Variants in CPPED1 observed in about 807,000 individuals in gnomAD.
CPPED1 encodes calcineurin like phosphoesterase domain containing 1.
CPPED1 carries 28 observed loss-of-function variants against 28.0 expected under a neutral mutation model. The observed-to-expected ratio is 1.00, with a 90% CI of 0.74 to 1.37. CPPED1 has a LOEUF of 1.37. CPPED1 is among the 40% of genes most tolerant of loss of function. CPPED1 has a pLI of 0.00. For synonymous variants in CPPED1, 198 were observed against 180.2 expected (o/e 1.10, Z -0.79); for missense variants, 504 against 416.5 (o/e 1.21, Z -1.83).
At chr16:12,800,504 G>C (rs1248040033) in intron 1 of CPPED1, among the ~76,000 whole-genome samples, 1 of 151,694 alleles carries the variant, frequency 6.6e-6, no homozygotes, top group African/African-American at 2.4e-5. Context: ...TTGAGCTCCA[G>C]CTTCCAACTG....
rs368421258 is a variant in CPPED1 at position 12,731,144 on chromosome 16, C to A, written c.290-26095G>T. On this transcript the variant is annotated intron_variant, in intron 2 of 3. Coordinates refer to ENST00000381774, the MANE Select transcript of CPPED1 (RefSeq NM_018340.3). ...GCAACATATGGAGACCCTGTCTCTT[C>A]AAAAAAAAAAATTTTTTTTTTTTTT... Among the ~76,000 whole-genome samples, 359 of 126,676 alleles carry A rather than the reference C, an allele frequency of 2.8e-3. 1 individual carries two copies. Among genetic ancestry groups the A allele is most frequent in the African/African-American group, 9.2e-3 (314 of 33,992 alleles). 83.1% of individuals were successfully genotyped at this position (126,676 alleles called of 152,430 possible).
rs1248425838 is a variant in CPPED1 at position 12,660,219 on chromosome 16, T to G, written c.*4667A>C. The G allele has an allele frequency of 6.6e-6, 1 of 152,184 alleles. No homozygotes were observed. Among genetic ancestry groups the G allele is most frequent in the East Asian group, 1.9e-4 (1 of 5,184 alleles). The allele number at this position is 152,184 out of a possible 1,614,324, so 9.4% of individuals were successfully genotyped here. ...GAAGCCAGTTTCTAGAGAGGCACAG[T>G]GGCTCACTCATTCTAAGTGTGCTGC... On this transcript the variant is annotated 3_prime_UTR_variant, in exon 4 of 4. Coordinates refer to ENST00000381774, the MANE Select transcript of CPPED1 (RefSeq NM_018340.3).
intron 2 of CPPED1, among the ~76,000 whole-genome samples, chr16:12,731,871 A>C (rs1002997581): frequency 3.3e-5 from 5 of 151,834 alleles, no homozygotes; most frequent in African/African-American, 9.7e-5. Context: ...GAAAAAAAAA[A>C]CCATTAGCAG....
rs1395647461 is a variant in CPPED1, at chr16:12,663,488, A to G, written c.*1398T>C. On this transcript the variant is annotated 3_prime_UTR_variant, in exon 4 of 4. Transcript: ENST00000381774. Reference sequence around the variant, plus strand: ...CAAAACACTAAAAGAAGAGCGTTCTAGTTTTTTAAAAAATTTAATTTTCTT... The same window carrying G: ...CAAAACACTAAAAGAAGAGCGTTCTGGTTTTTTAAAAAATTTAATTTTCTT... The G allele has an allele frequency of 6.6e-6, 1 of 152,198 alleles. No individual in the cohort carries two copies. The highest frequency in any genetic ancestry group is 2.1e-4 in the South Asian group (1 of 4,836). 9.4% of individuals were successfully genotyped at this position (152,198 alleles called of 1,614,324 possible).
intron 1 of CPPED1, among the ~76,000 whole-genome samples, chr16:12,782,550 T>G (rs2080538488): frequency 6.6e-6 from 1 of 150,904 alleles, no homozygotes; most frequent in African/African-American, 2.4e-5. Flanking sequence ...GAGGCTGTTT[T>G]TTTTTTTTTT....
chr16:12,742,549 C>G (rs148789771), intron 2 of CPPED1, among the ~76,000 whole-genome samples: 1 of 152,274 alleles, frequency 6.6e-6, no homozygotes, highest in Admixed American at 6.5e-5. Context: ...TCCAAACCAC[C>G]GTGGAGCTTT....
chr16:12,770,252 C>T (rs929105752), intron 2 of CPPED1, among the ~76,000 whole-genome samples: 1 of 152,164 alleles, frequency 6.6e-6, no homozygotes, highest in Non-Finnish European at 1.5e-5. Context: ...GAGGCAGATT[C>T]TAAACCCAGG....
At chr16:12,706,525 C>T (rs1176729831) in intron 2 of CPPED1, among the ~76,000 whole-genome samples, 1 of 148,448 alleles carries the variant, frequency 6.7e-6, no homozygotes, top group Non-Finnish European at 1.5e-5. Flanking sequence ...TTCCTTCCTC[C>T]CTTTTCCCAA....
chr16:12,760,379 A>G (rs1288203560), intron 2 of CPPED1: 1 of 152,186 alleles, frequency 6.6e-6, no homozygotes, highest in African/African-American at 2.4e-5. Context: ...GGTAGAAACA[A>G]TTTTACGTGT....
intron 2 of CPPED1, among the ~76,000 whole-genome samples, chr16:12,719,076 G>A (rs1367572618): frequency 6.6e-6 from 1 of 151,994 alleles, no homozygotes; most frequent in East Asian, 1.9e-4. Context: ...AGAACCAAGA[G>A]AAAAGGGAAA....
chr16:12,680,356 G>A (rs2079898434), intron 3 of CPPED1, among the ~76,000 whole-genome samples: 1 of 152,044 alleles, frequency 6.6e-6, no homozygotes. Flanking sequence ...CATTTCGACA[G>A]TGAACCTTCA....
At chr16:12,737,325 G>A (rs1482648066) in intron 2 of CPPED1, among the ~76,000 whole-genome samples, 1 of 152,148 alleles carries the variant, frequency 6.6e-6, no homozygotes. Context: ...ATGGGAAGAA[G>A]GAGAAGAAGG....
Position 12,704,952 on chromosome 16 carries a change from G to C in CPPED1, c.387C>G (p.Asp129Glu). 6.2e-7 allele frequency: 1 copy of C among 1,614,236 alleles called. No individual in the cohort carries two copies. The highest frequency in any genetic ancestry group is 8.5e-7 in the Non-Finnish European group (1 of 1,180,046). The stretch of plus-strand genomic sequence containing the variant: ...TCTCGGCCGTGGGGGTGTTGCCAAT[G>C]TCATGGTTGCCGCTGACAAGGACCA... Reference protein sequence around the residue: ...IPLVLVSGNHDIGNTPTAETV... With the variant: ...IPLVLVSGNHEIGNTPTAETV... Residue 129 changes from aspartate to glutamate, a missense_variant, in exon 3 of 4, where the codon GAC becomes GAG. Physicochemically the swap from Asp to Glu is conservative, Grantham distance 45 (BLOSUM62 2). Coordinates refer to ENST00000381774, the MANE Select transcript of CPPED1 (RefSeq NM_018340.3).
chr16:12,749,039 T>C lies in CPPED1; in HGVS notation c.289+32146A>G, dbSNP rs879648641. ...GTAGAGGGCCTTGCCTTGATGTTCA[T>C]GACCTCTGACTGATGAGGACGCTAG... On this transcript the variant is annotated intron_variant, in intron 2 of 3. Transcript: ENST00000381774. Among the ~76,000 whole-genome samples, 3 of 152,172 alleles carry C rather than the reference T, an allele frequency of 2.0e-5. No individual in the cohort carries two copies. The East Asian group carries it at 5.8e-4, about 29-fold the overall frequency.
intron 2 of CPPED1, among the ~76,000 whole-genome samples, chr16:12,741,721 G>A (rs940654482): frequency 4.6e-5 from 7 of 152,120 alleles, no homozygotes; most frequent in African/African-American, 9.7e-5. Flanking sequence ...GTCTATGTGC[G>A]TGCCTCTCTC....
At chr16:12,685,027 C>A (rs905632514) in intron 3 of CPPED1, among the ~76,000 whole-genome samples, 2 of 152,226 alleles carry the variant, frequency 1.3e-5, no homozygotes, top group Non-Finnish European at 2.9e-5. Context: ...AGGCCTTACT[C>A]ACGACAGGGT....
At chr16:12,744,290 G>GCA (rs1413411706) in intron 2 of CPPED1, among the ~76,000 whole-genome samples, 3 of 111,108 alleles carry the variant, frequency 2.7e-5, no homozygotes, top group African/African-American at 1.3e-4. Flanking sequence ...GAGAGAGAGA[G>GCA]AGAGAGAAAG....
intron 2 of CPPED1, among the ~76,000 whole-genome samples, chr16:12,723,212 C>G (rs1296777896): frequency 2.6e-5 from 4 of 152,186 alleles, no homozygotes; most frequent in Admixed American, 1.3e-4. Flanking sequence ...CTTCTATAGC[C>G]TCTTCCCCTA....
intron 3 of CPPED1, among the ~76,000 whole-genome samples, chr16:12,671,474 C>T (rs1219610522): frequency 6.6e-6 from 1 of 152,100 alleles, no homozygotes; most frequent in Non-Finnish European, 1.5e-5. Flanking sequence ...TGCTGATAGC[C>T]TCTGCTTCTG....
Sources: gnomAD v4.1 joint callset for allele counts (sites outside exome capture counted in the v4.1 genomes callset) on GRCh38, gnomAD v4.1.1 for gene constraint, MANE v1.5 for transcripts, NCBI Gene and HGNC (gene_info 2026-07-23, HGNC 2026-07-21) for gene names.